The following AMMECR1L variants were observed in gnomAD, a reference collection of about 807,000 sequenced individuals.
AMMECR1L encodes AMMECR1 like.
In AMMECR1L, 4 loss-of-function variants were observed where a neutral mutation model predicts 36.8. That is an observed-to-expected ratio of 0.11 (90% CI 0.05 to 0.25). The LOEUF is 0.25. Ranked by LOEUF, AMMECR1L falls within the 10% of genes least tolerant of loss-of-function variation. The probability of loss-of-function intolerance (pLI) is 1.00; values close to 1 mark genes in which losing one functional copy is unlikely to be tolerated. For missense variants in AMMECR1L, 232 were observed against 392.1 expected (o/e 0.59, Z 3.45); for synonymous variants, 147 against 148.0 (o/e 0.99, Z 0.05).
chr2:127,864,901 C>T lies in AMMECR1L; in HGVS notation c.*193G>A. ...GAAAGGCTGAGATAAGGCTTGGGCC[C>T]CTCAAGTTCTGTTTCGTTCAAGGTA... On this transcript the variant is annotated 3_prime_UTR_variant, in exon 8 of 8. Transcript: ENST00000272647. 2.1e-6 allele frequency: 1 copy of T among 468,598 alleles called. No individual in the cohort carries two copies. The highest frequency in any genetic ancestry group is 3.8e-6 in the Non-Finnish European group (1 of 260,158). 29.0% of individuals were successfully genotyped at this position (468,598 alleles called of 1,614,324 possible). A position where few individuals can be genotyped will look rare whatever the true frequency, so the allele number is the denominator to read the frequency against.
rs1459525323 is a variant in AMMECR1L, at chr2:127,869,923, C to T, written c.634-379G>A. 2.0e-5 allele frequency among the ~76,000 whole-genome samples: 3 copies of T among 152,312 alleles called. No homozygotes were observed. Among genetic ancestry groups the T allele is most frequent in the African/African-American group, 4.8e-5 (2 of 41,574 alleles). Reference sequence around the variant, plus strand: ...TAATAAAAACTTTTATTTGGCCAGGCGCGGTGGCTCATGCCTGTAATCCCA... The same window carrying T: ...TAATAAAAACTTTTATTTGGCCAGGTGCGGTGGCTCATGCCTGTAATCCCA... On this transcript the variant is annotated intron_variant, in intron 5 of 7. Coordinates refer to ENST00000272647, the MANE Select transcript of AMMECR1L (RefSeq NM_001199140.2). The surrounding 1 kb of genome is among the most constrained non-coding windows in gnomAD (Gnocchi z 4.7).
At position 127,861,926 on chromosome 2, in the gene AMMECR1L, ACTT is replaced by A. The variant is rs751111365; in HGVS notation, c.*3165_*3167del. The A allele has an allele frequency of 3.3e-5, 5 of 152,644 alleles. No homozygotes were observed. The highest frequency in any genetic ancestry group is 1.3e-4 in the Admixed American group (2 of 15,280). 9.5% of individuals were successfully genotyped at this position (152,644 alleles called of 1,614,324 possible). ...CTTGTGCAAAATATTAACACCCAGGACTTCTTTTGTATAGATGATTTTTATTAT... is the reference window on the plus strand; with the variant it reads ...CTTGTGCAAAATATTAACACCCAGGACTTTTGTATAGATGATTTTTATTAT... On this transcript the variant is annotated 3_prime_UTR_variant, in exon 8 of 8. Transcript: ENST00000272647.
intron 2 of AMMECR1L, among the ~76,000 whole-genome samples, chr2:127,883,443 T>A (rs1691611671): frequency 6.6e-6 from 1 of 152,138 alleles, no homozygotes; most frequent in South Asian, 2.1e-4. Flanking sequence ...AACATGTACC[T>A]AGGAGTCAAA....
intron 2 of AMMECR1L, among the ~76,000 whole-genome samples, chr2:127,875,961 C>CTTT (rs60994162): frequency 6.1e-5 from 9 of 147,318 alleles, no homozygotes; most frequent in African/African-American, 1.7e-4. Context: ...GCCCAGCTAT[C>CTTT]TTTTTTTTTT....
chr2:127,871,492 A>G lies in AMMECR1L; in HGVS notation c.408-133T>C. On this transcript the variant is annotated intron_variant, in intron 3 of 7. Transcript: ENST00000272647. This position sits in a 1 kb window ranked among gnomAD's most constrained non-coding sequence, Gnocchi z 4.3. ...TGTTTTTGGACTTGCCAGCTACCCG[A>G]AGGACTCTCTGCCTTTCTGAAAACG... The G allele has an allele frequency of 1.2e-6, 1 of 848,604 alleles. No individual in the cohort carries two copies. Among genetic ancestry groups the G allele is most frequent in the Non-Finnish European group, 1.8e-6 (1 of 544,250 alleles). 52.6% of individuals were successfully genotyped at this position (848,604 alleles called of 1,614,324 possible).
chr2:127,867,059 T>G (rs1690718549), intron 6 of AMMECR1L, 63 bp from the exon 7 acceptor site: 5 of 1,605,806 alleles, frequency 3.1e-6, no homozygotes, highest in Non-Finnish European at 4.3e-6. Flanking sequence ...TGCTCTCACA[T>G]GGCCCGTGCA....
chr2:127,866,793 G>T, intron 7 of AMMECR1L, 107 bp downstream of exon 7: 1 of 1,101,006 alleles, frequency 9.1e-7, no homozygotes, highest in Non-Finnish European at 1.3e-6. Context: ...ACACTTCTTT[G>T]ATTTAGGGAC....
chr2:127,871,146 A>G lies in AMMECR1L; in HGVS notation c.518+103T>C, dbSNP rs1690947770. The G allele has an allele frequency of 7.6e-7, 1 of 1,314,948 alleles. No individual in the cohort carries two copies. The highest frequency in any genetic ancestry group is 1.1e-6 in the Non-Finnish European group (1 of 944,856). The allele number at this position is 1,314,948 out of a possible 1,614,324, so 81.5% of individuals were successfully genotyped here. On this transcript the variant is annotated intron_variant, in intron 4 of 7. Transcript: ENST00000272647. The surrounding 1 kb of genome is among the most constrained non-coding windows in gnomAD (Gnocchi z 4.3). ...AGCCCCTTACATTTCCTGATTACCA[A>G]AAAGAGAAAGCTCAACGTACATCAC...
intron 2 of AMMECR1L, among the ~76,000 whole-genome samples, chr2:127,876,576 G>A (rs902218133): frequency 2.0e-5 from 3 of 152,204 alleles, no homozygotes; most frequent in Admixed American, 6.5e-5. Flanking sequence ...AGAGTGCCTT[G>A]GTTTTTTAAA....
chr2:127,867,261 G>A (rs938180960), intron 6 of AMMECR1L: 22 of 985,348 alleles, frequency 2.2e-5, no homozygotes, highest in Non-Finnish European at 2.7e-5. Context: ...CCTGTCAGAT[G>A]TTACCCCAGT....
chr2:127,873,935 C>T lies in AMMECR1L; in HGVS notation c.300G>A (p.Lys100=). The T allele has an allele frequency of 6.2e-7, 1 of 1,614,206 alleles. No individual in the cohort carries two copies. The highest frequency in any genetic ancestry group is 8.5e-7 in the Non-Finnish European group (1 of 1,180,036). The change falls in exon 3 of 8, where the codon AAG becomes AAA. Residue 100 remains lysine, a synonymous_variant. Transcript: ENST00000272647. The surrounding 1 kb of genome is among the most constrained non-coding windows in gnomAD (Gnocchi z 5.2). The part of the protein sequence containing the change: ...PRPNGTANTT[K]NLVVTAEMCC... ...ACATCTCTGCAGTCACCACCAGATT[C>T]TTAGTGGTGTTGGCAGTTCCATTAG...
At position 127,874,390 on chromosome 2, in the gene AMMECR1L, C is replaced by T; in HGVS notation, c.-38-118G>A. 1 of 952,448 alleles carries T rather than the reference C, an allele frequency of 1.0e-6. No individual in the cohort carries two copies. Among genetic ancestry groups the T allele is most frequent in the East Asian group, 2.7e-5 (1 of 37,352 alleles). The allele number at this position is 952,448 out of a possible 1,614,324, so 59.0% of individuals were successfully genotyped here. A position where few individuals can be genotyped will look rare whatever the true frequency, so the allele number is the denominator to read the frequency against. ...AAGAGCTGTCAAATTCTTTCTCCCA[C>T]TCAACCTCCAGGTCACAGACCAGGA... On this transcript the variant is annotated intron_variant, in intron 2 of 7. Transcript: ENST00000272647. The surrounding 1 kb of genome is among the most constrained non-coding windows in gnomAD (Gnocchi z 5.2).
chr2:127,869,512 A>C lies in AMMECR1L; in HGVS notation c.666T>G (p.Ile222Met), dbSNP rs758241815. 25 of 1,613,992 alleles carry C rather than the reference A, an allele frequency of 1.5e-5. No homozygotes were observed. Among genetic ancestry groups the C allele is most frequent in the Non-Finnish European group, 1.7e-5 (20 of 1,179,962 alleles). ...VGVHGIRIEF[I>M]NEKGVKRTAT... ...CTGTGCGTTTGACACCTTTTTCATT[A>C]ATGAATTCAATTCGAATCCCATGGA... is the stretch of plus-strand genomic sequence containing the variant. Residue 222 changes from isoleucine to methionine, a missense_variant, in exon 6 of 8, where the codon ATT (isoleucine) becomes ATG (methionine). Transcript: ENST00000272647. This position sits in a 1 kb window ranked among gnomAD's most constrained non-coding sequence, Gnocchi z 4.7.
intron 6 of AMMECR1L, among the ~76,000 whole-genome samples, chr2:127,868,384 G>A (rs1222783863): frequency 6.6e-6 from 1 of 152,080 alleles, no homozygotes; most frequent in Non-Finnish European, 1.5e-5. Context: ...ACCTAAAAGA[G>A]GTGGCTAAAA....
chr2:127,873,527 G>A lies in AMMECR1L; in HGVS notation c.407+301C>T, dbSNP rs774257413. The A allele has an allele frequency of 8.1e-6, 8 of 985,430 alleles. No individual in the cohort carries two copies. Among genetic ancestry groups the A allele is most frequent in the Non-Finnish European group, 9.6e-6 (8 of 829,942 alleles). 61.0% of individuals were successfully genotyped at this position (985,430 alleles called of 1,614,324 possible). ...ATGGCGTGACTTCCCCACTTGAGAG[G>A]TTAAATGCCATACCCACTGCCATGT... is the stretch of plus-strand genomic sequence containing the variant. On this transcript the variant is annotated intron_variant, in intron 3 of 7. Coordinates refer to ENST00000272647, the MANE Select transcript of AMMECR1L (RefSeq NM_001199140.2). This position sits in a 1 kb window ranked among gnomAD's most constrained non-coding sequence, Gnocchi z 5.2.
At chr2:127,876,804 G>A (rs1168943713) in intron 2 of AMMECR1L, among the ~76,000 whole-genome samples, 1 of 152,204 alleles carries the variant, frequency 6.6e-6, no homozygotes, top group African/African-American at 2.4e-5. Flanking sequence ...GATCACCTGA[G>A]GTCAGGAGCT....
rs186978997 is a variant in AMMECR1L at position 127,865,064 on chromosome 2, G to C, written c.*30C>G. The C allele has an allele frequency of 1.9e-5, 29 of 1,545,812 alleles. No individual in the cohort carries two copies. Among genetic ancestry groups the C allele is most frequent in the Middle Eastern group, 1.7e-4 (1 of 5,902 alleles). On this transcript the variant is annotated 3_prime_UTR_variant, in exon 8 of 8. Transcript: ENST00000272647. The surrounding 1 kb of genome is among the most constrained non-coding windows in gnomAD (Gnocchi z 5.4). ...GATGTCATAGCCATTGGTGGCCACG[G>C]GGGGGTGGGACTGGTCATGCAGCCG...
intron 3 of AMMECR1L, among the ~76,000 whole-genome samples, chr2:127,872,657 C>T (rs1056909935): frequency 2.0e-5 from 3 of 152,212 alleles, no homozygotes; most frequent in African/African-American, 7.2e-5. Flanking sequence ...AAAGCTGCAG[C>T]CCCAAAGCCT....
In AMMECR1L at chr2:127,868,060, G is replaced by A. The variant is rs114181761; in HGVS notation, c.725-1064C>T. 9.4e-3 allele frequency among the ~76,000 whole-genome samples: 1,428 copies of A among 152,190 alleles called. 20 individuals carry two copies. The highest frequency in any genetic ancestry group is 0.033 in the African/African-American group (1,377 of 41,504). On this transcript the variant is annotated intron_variant, in intron 6 of 7. Coordinates refer to ENST00000272647, the MANE Select transcript of AMMECR1L (RefSeq NM_001199140.2). ...CAGCTGAATTTGTATTTTTTGTAGAGACGAGGTTTCGCCACCAGACTAGTC... is the reference window on the plus strand; with the variant it reads ...CAGCTGAATTTGTATTTTTTGTAGAAACGAGGTTTCGCCACCAGACTAGTC...
Sources: allele counts gnomAD v4.1 joint callset (sites outside exome capture counted in the v4.1 genomes callset), GRCh38; gene constraint gnomAD v4.1.1; non-coding constraint Gnocchi (gnomAD v3.1); transcripts MANE v1.5; gene names NCBI Gene and HGNC (gene_info 2026-07-23, HGNC 2026-07-21).